PFKL: variants seen among roughly 807,000 people sequenced by gnomAD.
PFKL encodes the protein phosphofructokinase, liver type, also known as ATP-dependent 6-phosphofructokinase, liver type.
A neutral mutation model predicts 92.1 loss-of-function variants in PFKL; 74 were observed. The ratio of observed to expected loss-of-function variants is 0.80; its 90% confidence interval spans 0.67 to 0.97. The LOEUF (loss-of-function observed/expected upper bound fraction) is 0.97, where lower values mean the gene tolerates loss of function less well. PFKL is among the 50% of genes least tolerant of loss of function. PFKL has a pLI of 0.00. For missense variants in PFKL, 1,028 were observed against 1,116.6 expected, an observed-to-expected ratio of 0.92 and a Z score of 1.13; for synonymous variants, 494 against 456.4, an observed-to-expected ratio of 1.08 and a Z score of -1.05.
At chr21:44,325,350 G>A (rs570323383) in intron 19 of PFKL, 86 bp downstream of exon 19, 49 of 794,790 alleles carry the variant, frequency 6.2e-5, no homozygotes, top group South Asian at 1.3e-4. Context: ...CAGCCCTCAC[G>A]GGCACCCACG....
At position 44,313,043 on chromosome 21, in the gene PFKL, A is replaced by G. The variant is rs754885987; in HGVS notation, c.493A>G (p.Ile165Val). Residue 165 changes from isoleucine (I) to valine (V), a missense_variant, in exon 5 of 22, where the codon ATC becomes GTC. By Grantham distance (29) the Ile-to-Val change is conservative. Coordinates refer to ENST00000349048, the MANE Select transcript of PFKL (RefSeq NM_002626.6). The stretch of plus-strand genomic sequence containing the variant: ...GAACATCGCGGGCCTAGTGGGCTCC[A>G]TCGATAACGACTTCTGCGGCACCGA... Reference protein sequence around the residue: ...HLNIAGLVGSIDNDFCGTDMT... With the variant: ...HLNIAGLVGSVDNDFCGTDMT... 3.7e-6 allele frequency: 6 copies of G among 1,613,060 alleles called. No homozygotes were observed. The highest frequency in any genetic ancestry group is 4.2e-6 in the Non-Finnish European group (5 of 1,179,948).
intron 15 of PFKL, among the ~76,000 whole-genome samples, chr21:44,323,561 A>G (rs2047415172): frequency 6.6e-6 from 1 of 152,114 alleles, no homozygotes; most frequent in Non-Finnish European, 1.5e-5. Flanking sequence ...CTTAGAGTCC[A>G]GTTTCCCTGG....
chr21:44,317,719 C>G (rs1405162108), intron 9 of PFKL, among the ~76,000 whole-genome samples: 1 of 152,224 alleles, frequency 6.6e-6, no homozygotes, highest in Admixed American at 6.5e-5. Context: ...GGGACCCTAG[C>G]ACGTGCAGTG....
chr21:44,326,090 CTT>C, intron 20 of PFKL, 30 bp downstream of exon 20: 2 of 1,608,568 alleles, frequency 1.2e-6, no homozygotes, highest in Non-Finnish European at 1.7e-6. Context: ...CGAGGCCTCA[CTT>C]TGCCCTCCCC....
At chr21:44,323,082 G>A (rs1322079033) in intron 15 of PFKL, 33 bp downstream of exon 15, 2 of 1,552,546 alleles carry the variant, frequency 1.3e-6, no homozygotes, top group Admixed American at 3.3e-5. Flanking sequence ...AAAGCCCCAG[G>A]GCACAGGAGA....
intron 1 of PFKL, 68 bp from the exon 2 acceptor site, chr21:44,306,613 A>T: frequency 2.2e-6 from 3 of 1,375,538 alleles, no homozygotes; most frequent in Admixed American, 2.0e-5. Flanking sequence ...CTGTCCTCTG[A>T]GATGGGGAGG....
chr21:44,318,513 C>T lies in PFKL; in HGVS notation c.980C>T (p.Ala327Val). The T allele has an allele frequency of 1.3e-6, 2 of 1,575,988 alleles. No individual in the cohort carries two copies. Among genetic ancestry groups the T allele is most frequent in the Non-Finnish European group, 1.7e-6 (2 of 1,155,718 alleles). Reference protein sequence around the residue: ...GMEAVMALLEATPDTPACVVT... With the variant: ...GMEAVMALLEVTPDTPACVVT... ...GAGGCGGTGATGGCGCTGCTGGAAG[C>T]CACGCCTGACACGCCGGCCTGCGTG... The change falls in exon 10 of 22, where the codon GCC becomes GTC. Residue 327 changes from alanine to valine, a missense_variant. By Grantham distance (64) the Ala-to-Val change is moderately conservative (BLOSUM62 0). Transcript: ENST00000349048.
chr21:44,300,131 TGC>T lies in PFKL; in HGVS notation c.28_29del (p.Arg10GlyfsTer46). On this transcript the variant is annotated frameshift_variant, in exon 1 of 22. Transcript: ENST00000349048. LOFTEE classifies it high-confidence loss of function. ...ATGGCCGCGGTGGACCTGGAGAAGC[TGC>T]GGGCGTCGGGCGCGGGCAAGGCCAT... is the stretch of plus-strand genomic sequence containing the variant. 1 of 1,187,832 alleles carries T rather than the reference TGC, an allele frequency of 8.4e-7. No individual in the cohort carries two copies. Among genetic ancestry groups the T allele is most frequent in the Non-Finnish European group, 1.1e-6 (1 of 943,460 alleles). The allele number at this position is 1,187,832 out of a possible 1,614,324, so 73.6% of individuals were successfully genotyped here. A position where few individuals can be genotyped will look rare whatever the true frequency, so the allele number is the denominator to read the frequency against.
intron 3 of PFKL, 74 bp downstream of exon 3, chr21:44,311,157 C>A: frequency 9.1e-7 from 1 of 1,100,996 alleles, no homozygotes; most frequent in Non-Finnish European, 1.3e-6. Flanking sequence ...CCTGCACACA[C>A]AGACACACAC....
At chr21:44,306,399 C>T (rs2040944992) in intron 1 of PFKL, among the ~76,000 whole-genome samples, 1 of 152,186 alleles carries the variant, frequency 6.6e-6, no homozygotes, top group African/African-American at 2.4e-5. Flanking sequence ...CCCGGGGGCC[C>T]AGGGCTGGTC....
rs754038671 is a variant in PFKL at position 44,313,903 on chromosome 21, G to A, written c.639-10G>A. On this transcript the variant is annotated splice_polypyrimidine_tract_variant and intron_variant, in intron 6 of 21. Transcript: ENST00000349048. ...GGGGGTCCTGAGCAGGCAGGCGCTCGCTCCTCCAGGTACCTGGCGCTGGTA... is the reference window on the plus strand; with the variant it reads ...GGGGGTCCTGAGCAGGCAGGCGCTCACTCCTCCAGGTACCTGGCGCTGGTA... The A allele has an allele frequency of 6.3e-6, 10 of 1,575,520 alleles. No individual in the cohort carries two copies. Among genetic ancestry groups the A allele is most frequent in the South Asian group, 5.8e-5 (5 of 86,692 alleles).
intron 1 of PFKL, chr21:44,305,244 G>C: frequency 3.8e-6 from 5 of 1,309,250 alleles, no homozygotes; most frequent in African/African-American, 3.0e-5. Context: ...GCCGATCCCT[G>C]GGGTTTCTCA....
intron 9 of PFKL, among the ~76,000 whole-genome samples, chr21:44,316,799 C>T (rs541493555): frequency 6.6e-6 from 1 of 152,078 alleles, no homozygotes; most frequent in African/African-American, 2.4e-5. Flanking sequence ...TGTTGCTCCT[C>T]CTGGGGGAGA....
intron 18 of PFKL, 116 bp from the exon 19 acceptor site, chr21:44,325,037 G>T: frequency 8.2e-7 from 1 of 1,217,976 alleles, no homozygotes. Context: ...GGGTGGGCCA[G>T]GGCGGCTTTC....
chr21:44,318,649 A>G (rs1343382052), intron 10 of PFKL, 54 bp downstream of exon 10: 1 of 1,385,794 alleles, frequency 7.2e-7, no homozygotes, highest in East Asian at 2.7e-5. Context: ...CCCAGTCCCC[A>G]CTCACAGGCC....
chr21:44,310,802 A>T (rs2047019723), intron 2 of PFKL, among the ~76,000 whole-genome samples: 1 of 151,824 alleles, frequency 6.6e-6, no homozygotes, highest in African/African-American at 2.4e-5. Context: ...GGACACACGG[A>T]CTCACCAGCT....
intron 1 of PFKL, chr21:44,305,718 G>T: frequency 7.9e-7 from 1 of 1,265,528 alleles, no homozygotes; most frequent in East Asian, 4.8e-5. Flanking sequence ...TTTTGAGATG[G>T]GGGCTCTCGG....
intron 18 of PFKL, 41 bp downstream of exon 18, chr21:44,324,958 A>G (rs754852910): frequency 1.1e-5 from 17 of 1,552,010 alleles, no homozygotes; most frequent in African/African-American, 1.4e-5. Context: ...TGCGCGTCCA[A>G]CTCTCGGGGC....
intron 17 of PFKL, 95 bp downstream of exon 17, chr21:44,324,750 C>A: frequency 6.4e-7 from 1 of 1,565,332 alleles, no homozygotes; most frequent in South Asian, 1.2e-5. Context: ...AGGGCCCGGG[C>A]AGGTGGGACG....
Sources: allele counts gnomAD v4.1 joint callset (sites outside exome capture counted in the v4.1 genomes callset), GRCh38; gene constraint gnomAD v4.1.1; transcripts MANE v1.5; gene names NCBI Gene and HGNC (gene_info 2026-07-23, HGNC 2026-07-21).